UBR2: variants seen among roughly 807,000 people sequenced by gnomAD.
UBR2 encodes ubiquitin protein ligase E3 component n-recognin 2.
Under a neutral mutation model 247.9 loss-of-function variants are expected in UBR2, and 92 were observed. That is an observed-to-expected ratio of 0.37 (90% CI 0.31 to 0.44). UBR2 has a LOEUF of 0.44. UBR2 is among the 20% of genes least tolerant of loss of function. The probability of loss-of-function intolerance (pLI) is 1.00; values close to 1 mark genes in which losing one functional copy is unlikely to be tolerated. For synonymous variants in UBR2, 672 were observed against 693.5 expected (o/e 0.97, Z 0.49); for missense variants, 1,613 against 2,112.6 (o/e 0.76, Z 4.64).
At chr6:42,687,416 T>C (rs1043793153) in intron 44 of UBR2, among the ~76,000 whole-genome samples, 1 of 152,136 alleles carries the variant, frequency 6.6e-6, no homozygotes, top group Admixed American at 6.5e-5. Flanking sequence ...GAGGTTGCAG[T>C]GAGCCAAGAT....
intron 35 of UBR2, 98 bp from the exon 36 acceptor site, chr6:42,670,562 C>G (rs1798367941): frequency 1.2e-6 from 1 of 840,254 alleles, no homozygotes; most frequent in Non-Finnish European, 1.8e-6. Flanking sequence ...CAATATTGTA[C>G]TTTCTGTAGG....
intron 4 of UBR2, among the ~76,000 whole-genome samples, chr6:42,597,819 G>A (rs1793088147): frequency 6.6e-6 from 1 of 152,056 alleles, no homozygotes; most frequent in Admixed American, 6.5e-5. Flanking sequence ...GGGAGGCTGA[G>A]GCAAGAGAAT....
At chr6:42,568,110 T>C (rs552065035) in intron 1 of UBR2, among the ~76,000 whole-genome samples, 250 of 152,324 alleles carry the variant, frequency 1.6e-3, no homozygotes, top group African/African-American at 5.9e-3. Context: ...TTTAGGTCTG[T>C]ATTGGTTATC....
intron 7 of UBR2, 84 bp downstream of exon 7, chr6:42,606,735 C>A: frequency 8.2e-7 from 1 of 1,213,416 alleles, no homozygotes; most frequent in Non-Finnish European, 1.1e-6. Flanking sequence ...ACATGTCTTT[C>A]TGCTTTCTCA....
At chr6:42,653,380 GC>G (rs1227141535) in intron 25 of UBR2, among the ~76,000 whole-genome samples, 1 of 152,024 alleles carries the variant, frequency 6.6e-6, no homozygotes, top group African/African-American at 2.4e-5. Context: ...ACTATGCCCA[GC>G]CCCTTGTTTG....
At chr6:42,570,673 G>GTT (rs544330373) in intron 1 of UBR2, among the ~76,000 whole-genome samples, 60 of 148,830 alleles carry the variant, frequency 4.0e-4, no homozygotes, top group African/African-American at 1.1e-3. Context: ...AAAGTGGCTA[G>GTT]TTTTTTTTTT....
At chr6:42,601,268 CT>C (rs1793338489) in intron 4 of UBR2, among the ~76,000 whole-genome samples, 1 of 152,046 alleles carries the variant, frequency 6.6e-6, no homozygotes, top group Admixed American at 6.6e-5. Context: ...TTATTAATAC[CT>C]ACTCTTGTTT....
intron 11 of UBR2, among the ~76,000 whole-genome samples, chr6:42,627,582 C>T (rs1186302204): frequency 2.6e-5 from 4 of 152,050 alleles, no homozygotes; most frequent in East Asian, 1.9e-4. Flanking sequence ...ACTGCAGCCT[C>T]GACCACCCAA....
chr6:42,676,703 T>C (rs967530217), intron 39 of UBR2, 80 bp from the exon 40 acceptor site: 5 of 1,095,440 alleles, frequency 4.6e-6, no homozygotes, highest in Admixed American at 3.6e-5. Context: ...TATGAATATA[T>C]TTGCATGCTT....
chr6:42,598,021 A>G (rs1309011806), intron 4 of UBR2, among the ~76,000 whole-genome samples: 2 of 152,114 alleles, frequency 1.3e-5, no homozygotes, highest in African/African-American at 2.4e-5. Flanking sequence ...TTTGTCATAC[A>G]TTTAGCCTAC....
At chr6:42,578,408 A>G (rs1433381039) in intron 2 of UBR2, among the ~76,000 whole-genome samples, 1 of 152,160 alleles carries the variant, frequency 6.6e-6, no homozygotes, top group Non-Finnish European at 1.5e-5. Flanking sequence ...CTATCCAGCA[A>G]CAGAATAGGT....
Position 42,678,528 on chromosome 6 carries a change from TTC to T in UBR2, c.4479-9_4479-8del. 6.3e-7 allele frequency: 1 copy of T among 1,598,274 alleles called. No individual in the cohort carries two copies. The highest frequency in any genetic ancestry group is 1.1e-5 in the South Asian group (1 of 87,070). ...AGTAGATTTCCCAATAATCTTTTTTTTCTTTTTTAGTGCCTTGAAAGAAATAC... is the reference window on the plus strand; with the variant it reads ...AGTAGATTTCCCAATAATCTTTTTTTTTTTTTAGTGCCTTGAAAGAAATAC... On this transcript the variant is annotated splice_polypyrimidine_tract_variant and intron_variant, in intron 40 of 46. Transcript: ENST00000372901.
At chr6:42,680,857 C>T (rs1001907277) in intron 42 of UBR2, among the ~76,000 whole-genome samples, 3 of 152,214 alleles carry the variant, frequency 2.0e-5, no homozygotes, top group African/African-American at 4.8e-5. Flanking sequence ...TCACTTGAGC[C>T]CAGAAGTTCA....
intron 38 of UBR2, 84 bp downstream of exon 38, chr6:42,674,277 A>G: frequency 7.9e-7 from 1 of 1,267,008 alleles, no homozygotes; most frequent in South Asian, 1.3e-5. Flanking sequence ...AGTGGCAGAC[A>G]GGAAGGAGTT....
chr6:42,625,837 G>A (rs1411758642), intron 11 of UBR2, among the ~76,000 whole-genome samples: 12 of 147,276 alleles, frequency 8.1e-5, no homozygotes, highest in East Asian at 2.0e-4. Flanking sequence ...TTTTTGAGGC[G>A]GAGTCTCGCT....
At chr6:42,617,572 G>C (rs1794640845) in intron 11 of UBR2, 65 bp downstream of exon 11, 3 of 1,397,050 alleles carry the variant, frequency 2.1e-6, no homozygotes, top group Non-Finnish European at 9.9e-7. Context: ...AAATAATAGA[G>C]AACTAAAGTC....
At chr6:42,663,166 G>T in intron 31 of UBR2, 92 bp from the exon 32 acceptor site, 1 of 1,111,032 alleles carries the variant, frequency 9.0e-7, no homozygotes, top group Non-Finnish European at 1.2e-6. Context: ...TGAACTATTT[G>T]TGGAAACAAA....
chr6:42,658,826 TAAAAAAAA>T lies in UBR2; in HGVS notation c.3242+15_3242+22del. On this transcript the variant is annotated splice_donor_5th_base_variant and intron_variant, in intron 29 of 46. Coordinates refer to ENST00000372901, the MANE Select transcript of UBR2 (RefSeq NM_001363705.2). ...AACCTCTGCTGTTCTTGATCATAGG[TAAAAAAAA>T]AAAAAAAAAAAATTAATGTCTTGAC... 2 of 1,309,280 alleles carry T rather than the reference TAAAAAAAA, an allele frequency of 1.5e-6. No homozygotes were observed. Among genetic ancestry groups the T allele is most frequent in the South Asian group, 1.9e-5 (1 of 53,086 alleles). The allele number at this position is 1,309,280 out of a possible 1,614,324, so 81.1% of individuals were successfully genotyped here.
intron 7 of UBR2, among the ~76,000 whole-genome samples, chr6:42,608,053 A>G (rs1793829281): frequency 6.6e-6 from 1 of 152,126 alleles, no homozygotes; most frequent in Non-Finnish European, 1.5e-5. Flanking sequence ...TTGATAGACA[A>G]TTAGGATGTT....
Sources: gnomAD v4.1 joint callset for allele counts (sites outside exome capture counted in the v4.1 genomes callset) on GRCh38, gnomAD v4.1.1 for gene constraint, MANE v1.5 for transcripts, NCBI Gene and HGNC (gene_info 2026-07-23, HGNC 2026-07-21) for gene names.